PIWIL2: variants seen among roughly 807,000 people sequenced by gnomAD.
The protein encoded by PIWIL2 is piwi like RNA-mediated gene silencing 2.
PIWIL2 carries 81 observed loss-of-function variants against 116.5 expected under a neutral mutation model. The observed-to-expected ratio is 0.70, with a 90% CI of 0.58 to 0.84. The LOEUF (loss-of-function observed/expected upper bound fraction) is 0.84. Ranked by LOEUF, PIWIL2 falls within the 40% of genes least tolerant of loss-of-function variation. PIWIL2 has a pLI of 0.00. For missense variants in PIWIL2, 1,272 were observed against 1,212.3 expected (o/e 1.05, Z -0.73); for synonymous variants, 489 against 429.5 (o/e 1.14, Z -1.71).
chr8:22,296,762 T>A (rs1830916771), intron 10 of PIWIL2, among the ~76,000 whole-genome samples: 2 of 152,218 alleles, frequency 1.3e-5, no homozygotes, highest in South Asian at 4.1e-4. Context: ...ATTTTATTTG[T>A]TCTTTATTCC....
In PIWIL2 at chr8:22,335,072, A is replaced by AAAT. The variant is rs34666629; in HGVS notation, c.2403+16797_2403+16798insAAT. The stretch of plus-strand genomic sequence containing the variant: ...TCTTGTCTCAAAAAAAAAAAAAAAA[A>AAAT]GTCAATTTTAATCCCCAAAAGGACC... On this transcript the variant is annotated intron_variant, in intron 20 of 22. Transcript: ENST00000356766. Among the ~76,000 whole-genome samples the AAAT allele has an allele frequency of 1.6e-4, 23 of 146,296 alleles. 2 individuals are homozygous for AAAT. Among genetic ancestry groups the AAAT allele is most frequent in the East Asian group, 6.0e-4 (3 of 4,980 alleles).
chr8:22,333,149 A>G (rs926776783), intron 20 of PIWIL2, among the ~76,000 whole-genome samples: 1 of 152,166 alleles, frequency 6.6e-6, no homozygotes, highest in Non-Finnish European at 1.5e-5. Flanking sequence ...TAGGGTAACT[A>G]CGAAAGGAAG....
At chr8:22,308,596 T>TGG (rs1831246105) in intron 14 of PIWIL2, among the ~76,000 whole-genome samples, 2 of 152,018 alleles carry the variant, frequency 1.3e-5, no homozygotes, top group African/African-American at 4.8e-5. Flanking sequence ...GAGGTTGCAG[T>TGG]GAGCCAAGAT....
At position 22,283,300 on chromosome 8, in the gene PIWIL2, CT is replaced by C. The variant is rs1461260631; in HGVS notation, c.632+61del. The C allele has an allele frequency of 2.2e-6, 3 of 1,336,312 alleles. No individual in the cohort carries two copies. The African/African-American group carries it at 4.3e-5, about 19-fold the overall frequency. 82.8% of individuals were successfully genotyped at this position (1,336,312 alleles called of 1,614,324 possible). ...TGATCGTGAAAACTCTGCATTTTGGCTCGTGTGTAGTATTGTAAAATCTGTT... is the reference window on the plus strand; with the variant it reads ...TGATCGTGAAAACTCTGCATTTTGGCCGTGTGTAGTATTGTAAAATCTGTT... On this transcript the variant is annotated intron_variant, in intron 5 of 22. Transcript: ENST00000356766.
In PIWIL2 at chr8:22,281,506, G is replaced by T. The variant is rs1830501943; in HGVS notation, c.416G>T (p.Gly139Val). 1 of 1,580,116 alleles carries T rather than the reference G, an allele frequency of 6.3e-7. No homozygotes were observed. Among genetic ancestry groups the T allele is most frequent in the African/African-American group, 1.4e-5 (1 of 72,494 alleles). Reference protein sequence around the residue: ...GDSKMAETSVGWSRTLGRGSS... With the variant: ...GDSKMAETSVVWSRTLGRGSS... ...AGCAAGATGGCAGAGACCTCCGTTG[G>T]TTGGAGTAGGTGGGTAAAGTTACCC... The change falls in exon 4 of 23, where the codon GGT becomes GTT. Residue 139 changes from glycine to valine, a missense_variant. By Grantham distance (109) the Gly-to-Val change is moderately radical. Coordinates refer to ENST00000356766, the MANE Select transcript of PIWIL2 (RefSeq NM_018068.5).
intron 20 of PIWIL2, among the ~76,000 whole-genome samples, chr8:22,337,741 T>A (rs565781534): frequency 6.6e-6 from 1 of 150,942 alleles, no homozygotes; most frequent in East Asian, 2.0e-4. Context: ...AAAAAAAAAA[T>A]TAATAATAAA....
chr8:22,275,705 A>G (rs1830348617), intron 1 of PIWIL2: 1 of 152,388 alleles, frequency 6.6e-6, no homozygotes, highest in African/African-American at 2.4e-5. Flanking sequence ...CTTTGGGGAA[A>G]GGTGCTTTTC....
At chr8:22,342,297 A>G (rs1261631148) in intron 20 of PIWIL2, among the ~76,000 whole-genome samples, 1 of 152,220 alleles carries the variant, frequency 6.6e-6, no homozygotes, top group African/African-American at 2.4e-5. Flanking sequence ...TATTTTGTGG[A>G]TATCAACAAA....
intron 20 of PIWIL2, among the ~76,000 whole-genome samples, chr8:22,319,666 C>T (rs1235437112): frequency 1.3e-5 from 2 of 152,186 alleles, no homozygotes; most frequent in African/African-American, 2.4e-5. Flanking sequence ...GCCGAGGGCT[C>T]CATTTCTCCA....
At chr8:22,276,032 A>G (rs1345000217) in intron 1 of PIWIL2, 2 of 152,280 alleles carry the variant, frequency 1.3e-5, no homozygotes, top group Non-Finnish European at 1.5e-5. Context: ...GCTTCTGAGT[A>G]TGTAGCTGTT....
At chr8:22,332,525 C>T (rs1319953413) in intron 20 of PIWIL2, among the ~76,000 whole-genome samples, 2 of 152,056 alleles carry the variant, frequency 1.3e-5, no homozygotes, top group South Asian at 4.2e-4. Flanking sequence ...AAAAGAAAAG[C>T]ACATCTAGGC....
chr8:22,317,376 G>C (rs780634465), intron 19 of PIWIL2, among the ~76,000 whole-genome samples: 8 of 151,798 alleles, frequency 5.3e-5, no homozygotes, highest in Non-Finnish European at 1.0e-4. Context: ...ACATACATGT[G>C]ATATATATCT....
At chr8:22,301,726 GT>G (rs35476597) in intron 10 of PIWIL2, among the ~76,000 whole-genome samples, 12 of 148,018 alleles carry the variant, frequency 8.1e-5, no homozygotes, top group African/African-American at 1.2e-4. Context: ...AAGATTTTCT[GT>G]TTTTTTTTTT....
At chr8:22,331,919 G>T (rs1308537015) in intron 20 of PIWIL2, among the ~76,000 whole-genome samples, 1 of 152,076 alleles carries the variant, frequency 6.6e-6, no homozygotes. Context: ...CTGGGGGTTA[G>T]GACTTCAACA....
rs939531117 is a variant in PIWIL2, at chr8:22,356,858, T to C, written c.*1353T>C. 2 of 152,050 alleles carry C rather than the reference T, an allele frequency of 1.3e-5. No homozygotes were observed. Among genetic ancestry groups the C allele is most frequent in the Non-Finnish European group, 2.9e-5 (2 of 67,974 alleles). 9.4% of individuals were successfully genotyped at this position (152,050 alleles called of 1,614,324 possible). A position where few individuals can be genotyped will look rare whatever the true frequency, so the allele number is the denominator to read the frequency against. ...GGAAACCCGTTTTTTTCTGGTTTTT[T>C]TTCCCCCCTCTCCATTTTAGAATCT... On this transcript the variant is annotated 3_prime_UTR_variant, in exon 23 of 23. Transcript: ENST00000356766.
At chr8:22,289,406 C>T (rs1008720976) in intron 8 of PIWIL2, among the ~76,000 whole-genome samples, 6 of 152,178 alleles carry the variant, frequency 3.9e-5, no homozygotes, top group Non-Finnish European at 8.8e-5. Context: ...CCACCTCAGC[C>T]TCCCAAAGTG....
At chr8:22,352,764 G>A (rs191846116) in intron 20 of PIWIL2, 195 bp from the exon 21 acceptor site, 61 of 512,820 alleles carry the variant, frequency 1.2e-4, no homozygotes, top group Middle Eastern at 5.1e-4. Flanking sequence ...TGCACCAGGC[G>A]TGTTTTACTA....
At chr8:22,312,100 CA>C (rs1164615276) in intron 16 of PIWIL2, among the ~76,000 whole-genome samples, 1 of 151,608 alleles carries the variant, frequency 6.6e-6, no homozygotes, top group Non-Finnish European at 1.5e-5. Flanking sequence ...CCTGTCTCTA[CA>C]AAAAATCTAA....
chr8:22,313,460 C>T (rs1005791602), intron 16 of PIWIL2, among the ~76,000 whole-genome samples: 5 of 152,202 alleles, frequency 3.3e-5, no homozygotes, highest in African/African-American at 9.7e-5. Flanking sequence ...AACATAAACA[C>T]TTTTAAGTCA....
Sources: gnomAD v4.1 joint callset for allele counts (sites outside exome capture counted in the v4.1 genomes callset) on GRCh38, gnomAD v4.1.1 for gene constraint, MANE v1.5 for transcripts, NCBI Gene and HGNC (gene_info 2026-07-23, HGNC 2026-07-21) for gene names.